Variants in DOCK6 observed in about 807,000 individuals in gnomAD.
The protein encoded by DOCK6 is dedicator of cytokinesis 6.
In DOCK6, 167 loss-of-function variants were observed where a neutral mutation model predicts 230.3. The ratio of observed to expected loss-of-function variants is 0.73; its 90% CI spans 0.64 to 0.82. The LOEUF (loss-of-function observed/expected upper bound fraction) is 0.82. DOCK6 is among the 40% of genes least tolerant of loss of function. The pLI is 0.00. For synonymous variants in DOCK6, 1,148 were observed against 1,185.0 expected, an observed-to-expected ratio of 0.97 and a Z score of 0.64; for missense variants, 2,598 against 2,825.8, an observed-to-expected ratio of 0.92 and a Z score of 1.83.
rs759616213 is a variant in DOCK6 at position 11,221,893 on chromosome 19, A to G, written c.3508T>C (p.Ser1170Pro). The change falls in exon 28 of 48, where the codon TCG becomes CCG. Residue 1170 changes from serine to proline, a missense_variant. Transcript: ENST00000294618. The part of the protein sequence containing the change: ...RVAELYLPLL[S>P]IARDTLPRLH... ...CGTGGCAAGGTATCCCGTGCAATCGATAGCAGTGGCAGGTACAGCTCGGCC... is the reference window on the plus strand; with the variant it reads ...CGTGGCAAGGTATCCCGTGCAATCGGTAGCAGTGGCAGGTACAGCTCGGCC... 1.2e-6 allele frequency: 2 copies of G among 1,613,786 alleles called. No individual in the cohort carries two copies. The highest frequency in any genetic ancestry group is 1.7e-6 in the Non-Finnish European group (2 of 1,179,900).
At position 11,214,622 on chromosome 19, in the gene DOCK6, G is replaced by T. The variant is rs750479979; in HGVS notation, c.4134C>A (p.Ala1378=). ...DKTKDEMEHE[A]LVEGNLATEA... is the part of the protein sequence containing the mutation. ...CGGTTGCCAGGTTCCCTTCCACCAA[G>T]GCCTCGTGTTCCATTTCATCCTTGG... Residue 1378 remains alanine (A), a synonymous_variant, in exon 33 of 48, where the codon GCC becomes GCA. Transcript: ENST00000294618. 3 of 1,613,810 alleles carry T rather than the reference G, an allele frequency of 1.9e-6. No homozygotes were observed. Among genetic ancestry groups the T allele is most frequent in the Non-Finnish European group, 2.5e-6 (3 of 1,179,870 alleles).
chr19:11,236,453 G>C lies in DOCK6; in HGVS notation c.2285C>G (p.Ala762Gly). ...TTCGGGGCTGGCCAGGCGCAGTGCT[G>C]CAAGACTGGCCCGCAGCTCCTGCTC... ...NVEQELRASL[A>G]ALRLASPEPL... The change falls in exon 20 of 48, where the codon GCA becomes GGA. Residue 762 changes from alanine to glycine, a missense_variant. Transcript: ENST00000294618. This position sits in a 1 kb window ranked among gnomAD's most constrained non-coding sequence, Gnocchi z 5.2. 6.3e-7 allele frequency: 1 copy of C among 1,592,816 alleles called. No homozygotes were observed. The highest frequency in any genetic ancestry group is 1.1e-5 in the South Asian group (1 of 87,368).
intron 24 of DOCK6, among the ~76,000 whole-genome samples, chr19:11,224,207 T>G (rs2079626897): frequency 6.6e-6 from 1 of 151,270 alleles, no homozygotes; most frequent in Non-Finnish European, 1.5e-5. Flanking sequence ...TCTTTCTTTC[T>G]TTCTTTCTTT....
At position 11,202,714 on chromosome 19, in the gene DOCK6, G is replaced by A; in HGVS notation, c.5236-5C>T. Reference sequence around the variant, plus strand: ...GAAATACGTCCCGAACACGCGCTGGGGCTGTGAGAAAGGGTGTGGTTGTCC... The same window carrying A: ...GAAATACGTCCCGAACACGCGCTGGAGCTGTGAGAAAGGGTGTGGTTGTCC... On this transcript the variant is annotated splice_region_variant and splice_polypyrimidine_tract_variant and intron_variant, in intron 41 of 47. Transcript: ENST00000294618. The surrounding 1 kb of genome is among the most constrained non-coding windows in gnomAD (Gnocchi z 5.3). 5 of 1,613,620 alleles carry A rather than the reference G, an allele frequency of 3.1e-6. No homozygotes were observed. The highest frequency in any genetic ancestry group is 4.2e-6 in the Non-Finnish European group (5 of 1,179,900).
chr19:11,220,474 G>A (rs1346322836), intron 28 of DOCK6, among the ~76,000 whole-genome samples: 2 of 152,164 alleles, frequency 1.3e-5, no homozygotes, highest in African/African-American at 4.8e-5. Flanking sequence ...GGACTGAGGT[G>A]ATCAGCCTGT....
At position 11,238,318 on chromosome 19, in the gene DOCK6, G is replaced by C. The variant is rs1204464925; in HGVS notation, c.1644-14C>G. ...TACAGCAGGTTCCTGTGGGGGGCAG[G>C]ATGGGGGTGTCAGAGGGACAGGGGC... On this transcript the variant is annotated splice_polypyrimidine_tract_variant and intron_variant, in intron 14 of 47. Coordinates refer to ENST00000294618, the MANE Select transcript of DOCK6 (RefSeq NM_020812.4). The C allele has an allele frequency of 6.3e-7, 1 of 1,592,110 alleles. No homozygotes were observed.
chr19:11,203,800 A>AC, intron 41 of DOCK6: 1 of 546,280 alleles, frequency 1.8e-6, no homozygotes, highest in South Asian at 2.5e-5. Flanking sequence ...TCACCCCGCC[A>AC]CCCCCCTGCA....
intron 7 of DOCK6, among the ~76,000 whole-genome samples, chr19:11,246,577 T>C (rs1167449238): frequency 2.0e-5 from 3 of 152,016 alleles, no homozygotes; most frequent in Non-Finnish European, 4.4e-5. Flanking sequence ...ACTGAAGTTT[T>C]TTTCCCCCTC....
At position 11,242,081 on chromosome 19, in the gene DOCK6, G is replaced by T; in HGVS notation, c.1607C>A (p.Pro536His). Residue 536 changes from proline to histidine, a missense_variant, in exon 14 of 48, where the codon CCC becomes CAC. Coordinates refer to ENST00000294618, the MANE Select transcript of DOCK6 (RefSeq NM_020812.4). ...GRPTKEILEFPAREVYAPHTS... is the reference protein window; with the variant it reads ...GRPTKEILEFHAREVYAPHTS... ...ATGGGGGGCATAGACTTCGCGGGCG[G>T]GGAACTCCAGAATCTCCTTGGTGGG... is the stretch of plus-strand genomic sequence containing the variant. 6.5e-7 allele frequency: 1 copy of T among 1,546,350 alleles called. No homozygotes were observed. Among genetic ancestry groups the T allele is most frequent in the South Asian group, 1.3e-5 (1 of 78,906 alleles).
chr19:11,200,158 A>C lies in DOCK6; in HGVS notation c.6101+150T>G. On this transcript the variant is annotated intron_variant, in intron 47 of 47. Transcript: ENST00000294618. The surrounding 1 kb of genome is among the most constrained non-coding windows in gnomAD (Gnocchi z 4.3). ...AGAGGGAGAGTCTCTCAAAAAAAAA[A>C]ACAAAAAAAAAACCGGAAACAAAAC... 1 of 832,466 alleles carries C rather than the reference A, an allele frequency of 1.2e-6. No homozygotes were observed. The highest frequency in any genetic ancestry group is 1.7e-6 in the Non-Finnish European group (1 of 589,362). 51.6% of individuals were successfully genotyped at this position (832,466 alleles called of 1,614,324 possible).
chr19:11,233,126 A>G (rs1424397879), intron 22 of DOCK6, 77 bp downstream of exon 22: 3 of 1,543,538 alleles, frequency 1.9e-6, no homozygotes, highest in Non-Finnish European at 2.6e-6. Flanking sequence ...CCCATGCTTC[A>G]TCAACAGATT....
At position 11,221,929 on chromosome 19, in the gene DOCK6, T is replaced by C. The variant is rs1157530054; in HGVS notation, c.3472A>G (p.Lys1158Glu). 2 of 1,613,556 alleles carry C rather than the reference T, an allele frequency of 1.2e-6. No homozygotes were observed. The highest frequency in any genetic ancestry group is 1.7e-6 in the Non-Finnish European group (2 of 1,179,862). The change falls in exon 28 of 48, where the codon AAG becomes GAG. Residue 1158 changes from lysine (K) to glutamate (E), a missense_variant. Lys to Glu is a moderately conservative substitution (Grantham distance 56). Transcript: ENST00000294618. ...AGGTACAGCTCGGCCACACGAGCCT[T>C]CACAGTGGCCTCGGCGTAGCGGGGG... Reference protein sequence around the residue: ...TDPRYAEATVKARVAELYLPL... With the variant: ...TDPRYAEATVEARVAELYLPL...
Position 11,237,458 on chromosome 19 carries a change from C to G in DOCK6, c.2071G>C (p.Asp691His). The G allele has an allele frequency of 1.2e-6, 2 of 1,613,506 alleles. No homozygotes were observed. The highest frequency in any genetic ancestry group is 1.7e-6 in the Non-Finnish European group (2 of 1,179,826). Residue 691 changes from aspartate (D) to histidine (H), a missense_variant and splice_region_variant, in exon 18 of 48, where the codon GAT (aspartate) becomes CAT (histidine). By Grantham distance (81) the Asp-to-His change is moderately conservative. Coordinates refer to ENST00000294618, the MANE Select transcript of DOCK6 (RefSeq NM_020812.4). ...GGCAGGAGCTCCAGGGCACATACATCGGGTGTGAGCACGGAATAGCTGGGC... is the reference window on the plus strand; with the variant it reads ...GGCAGGAGCTCCAGGGCACATACATGGGGTGTGAGCACGGAATAGCTGGGC... ...PPPSYSVLTP[D>H]VALPGMRWVD...
intron 28 of DOCK6, among the ~76,000 whole-genome samples, chr19:11,220,820 G>C (rs550461883): frequency 1.1e-4 from 17 of 150,094 alleles, no homozygotes; most frequent in Admixed American, 4.0e-4. Context: ...TATAATATCT[G>C]AATTTTTTTT....
At chr19:11,261,340 C>T (rs2147904371) in intron 1 of DOCK6, among the ~76,000 whole-genome samples, 1 of 151,794 alleles carries the variant, frequency 6.6e-6, no homozygotes, top group East Asian at 1.9e-4. Flanking sequence ...TCTCAAGCAG[C>T]CCCCACCCTC....
intron 35 of DOCK6, among the ~76,000 whole-genome samples, 152 bp downstream of exon 35, chr19:11,213,024 C>T (rs975214118): frequency 3.3e-5 from 5 of 151,964 alleles, no homozygotes. Flanking sequence ...GAATGAGCCA[C>T]GGCACCTGAC....
intron 23 of DOCK6, 80 bp from the exon 24 acceptor site, chr19:11,227,557 A>AGGGCTGTGGGTGGGGCTTGAT: frequency 7.6e-7 from 1 of 1,323,266 alleles, no homozygotes; most frequent in Non-Finnish European, 9.9e-7. Context: ...TGGGGCTTGA[A>AGGGCTGTGGGTGGGGCTTGAT]GGGCTGTGGG....
Position 11,250,922 on chromosome 19 carries a change from C to T in DOCK6, c.672G>A (p.Arg224=), listed in dbSNP as rs1270592806. 1.9e-6 allele frequency: 3 copies of T among 1,607,202 alleles called. No individual in the cohort carries two copies. Among genetic ancestry groups the T allele is most frequent in the Non-Finnish European group, 1.7e-6 (2 of 1,174,586 alleles). ...TGAGCAGGGCCGGGGGCCGGTGCTGCCGTCGAAGGGTTTCATTGCGCCGGT... is the reference window on the plus strand; with the variant it reads ...TGAGCAGGGCCGGGGGCCGGTGCTGTCGTCGAAGGGTTTCATTGCGCCGGT... ...DVDRRNETLR[R]QHRPPALLTL... The change falls in exon 6 of 48, where the codon CGG becomes CGA. Residue 224 remains arginine (R), a synonymous_variant. Coordinates refer to ENST00000294618, the MANE Select transcript of DOCK6 (RefSeq NM_020812.4).
In DOCK6 at chr19:11,237,649, C is replaced by T; in HGVS notation, c.1963G>A (p.Gly655Ser). ...RPGTALETPVGFTWIPLLQHG... is the reference protein window; with the variant it reads ...RPGTALETPVSFTWIPLLQHG... ...GGGAGGGGACGGCTCACAGTAAAGCCCACGGGTGTCTCCAGGGCAGTGCCC... is the reference window on the plus strand; with the variant it reads ...GGGAGGGGACGGCTCACAGTAAAGCTCACGGGTGTCTCCAGGGCAGTGCCC... Residue 655 changes from glycine (G) to serine (S), a missense_variant, in exon 17 of 48, where the codon GGC becomes AGC. Coordinates refer to ENST00000294618, the MANE Select transcript of DOCK6 (RefSeq NM_020812.4). The T allele has an allele frequency of 1.3e-6, 2 of 1,596,884 alleles. No individual in the cohort carries two copies. The highest frequency in any genetic ancestry group is 1.7e-4 in the Middle Eastern group (1 of 5,992).
Sources: gnomAD v4.1 joint callset for allele counts (sites outside exome capture counted in the v4.1 genomes callset) on GRCh38, gnomAD v4.1.1 for gene constraint, Gnocchi (gnomAD v3.1) non-coding constraint, MANE v1.5 for transcripts, NCBI Gene and HGNC (gene_info 2026-07-23, HGNC 2026-07-21) for gene names.